GRHL2: variants seen among roughly 807,000 people sequenced by gnomAD.
GRHL2 encodes the protein grainyhead-like protein 2 homolog.
A neutral mutation model predicts 83.8 loss-of-function variants in GRHL2; 21 were observed. That is an observed-to-expected ratio of 0.25 (90% confidence interval 0.18 to 0.36). GRHL2 has a LOEUF of 0.36. GRHL2 is among the 10% of genes least tolerant of loss of function. The probability of loss-of-function intolerance (pLI) is 1.00; values close to 1 mark genes in which losing one functional copy is unlikely to be tolerated. For synonymous variants in GRHL2, 280 were observed against 278.9 expected, an observed-to-expected ratio of 1.00 and a Z score of -0.04; for missense variants, 623 against 781.8, an observed-to-expected ratio of 0.80 and a Z score of 2.42.
At chr8:101,548,979 T>G (rs1471327566) in intron 2 of GRHL2, among the ~76,000 whole-genome samples, 1 of 152,218 alleles carries the variant, frequency 6.6e-6, no homozygotes, top group Non-Finnish European at 1.5e-5. Flanking sequence ...ATCAATTGAT[T>G]CTTTCAATAA....
intron 11 of GRHL2, among the ~76,000 whole-genome samples, 197 bp downstream of exon 11, chr8:101,632,562 G>A (rs1813207640): frequency 6.6e-6 from 1 of 152,228 alleles, no homozygotes; most frequent in African/African-American, 2.4e-5. Flanking sequence ...AAGTCGAAGA[G>A]GAGAGTAAGC....
chr8:101,546,980 C>T (rs908301421), intron 2 of GRHL2, among the ~76,000 whole-genome samples: 6 of 152,208 alleles, frequency 3.9e-5, no homozygotes, highest in African/African-American at 1.4e-4. Context: ...GTGTGGACTA[C>T]TAGAGTTACA....
rs114422462 is a variant in GRHL2, at chr8:101,601,948, G to A, written c.1098+2797G>A. On this transcript the variant is annotated intron_variant, in intron 8 of 15. Transcript: ENST00000646743. ...AGAAGTAAAAGCCTTGCATGCATTA[G>A]GTATTTGTCCTAAGGCTCTCCCTCC... is the stretch of plus-strand genomic sequence containing the variant. Among the ~76,000 whole-genome samples the A allele has an allele frequency of 7.7e-3, 1,167 of 152,278 alleles. 15 individuals are homozygous for A. The highest frequency in any genetic ancestry group is 0.057 in the East Asian group (295 of 5,178).
chr8:101,608,644 A>G (rs553001920), intron 8 of GRHL2, among the ~76,000 whole-genome samples: 37 of 152,202 alleles, frequency 2.4e-4, no homozygotes, highest in African/African-American at 7.7e-4. Context: ...TGAAAAGTTG[A>G]AAGACTAATA....
chr8:101,663,015 TTAAG>T (rs1333398328), intron 14 of GRHL2, among the ~76,000 whole-genome samples: 1 of 152,210 alleles, frequency 6.6e-6, no homozygotes, highest in Admixed American at 6.5e-5. Context: ...TGCATGATTT[TTAAG>T]TGTGAATTAT....
intron 7 of GRHL2, among the ~76,000 whole-genome samples, chr8:101,582,129 C>G (rs1047098963): frequency 7.9e-5 from 12 of 151,032 alleles, no homozygotes; most frequent in African/African-American, 2.9e-4. Context: ...TTCCAGCTAC[C>G]TGGGAGACTG....
chr8:101,504,079 A>G (rs943203723), intron 1 of GRHL2, among the ~76,000 whole-genome samples: 2 of 152,234 alleles, frequency 1.3e-5, no homozygotes, highest in Admixed American at 6.5e-5. Flanking sequence ...ACACTTAAGA[A>G]TAATACACAC....
chr8:101,505,365 G>A (rs534015103), intron 1 of GRHL2, among the ~76,000 whole-genome samples: 1 of 152,182 alleles, frequency 6.6e-6, no homozygotes, highest in East Asian at 1.9e-4. Flanking sequence ...ATCACCTTAG[G>A]TCGGGAGTTT....
chr8:101,595,120 C>A (rs930147526), intron 7 of GRHL2, among the ~76,000 whole-genome samples: 9 of 152,150 alleles, frequency 5.9e-5, no homozygotes, highest in African/African-American at 2.2e-4. Flanking sequence ...GTTTCTTGCT[C>A]TTTCTCAAGC....
intron 11 of GRHL2, among the ~76,000 whole-genome samples, chr8:101,635,651 C>T (rs750151360): frequency 3.9e-5 from 6 of 152,196 alleles, no homozygotes; most frequent in Non-Finnish European, 8.8e-5. Context: ...CAGTCCTATT[C>T]CTAGTACATC....
chr8:101,517,231 G>C (rs1048564006), intron 1 of GRHL2, among the ~76,000 whole-genome samples: 6 of 152,156 alleles, frequency 3.9e-5, no homozygotes, highest in African/African-American at 7.2e-5. Context: ...TTCATCCGGG[G>C]CTTTCAGCAG....
intron 2 of GRHL2, among the ~76,000 whole-genome samples, chr8:101,549,759 C>A (rs929119673): frequency 2.6e-5 from 4 of 152,284 alleles, no homozygotes; most frequent in Non-Finnish European, 4.4e-5. Context: ...TGCCCTCTAA[C>A]CTTTTTATAA....
At chr8:101,672,343 G>T (rs1244047733), downstream of GRHL2, among the ~76,000 whole-genome samples, 1 of 151,678 alleles carries the variant, frequency 6.6e-6, no homozygotes. Flanking sequence ...AATAACCAAT[G>T]CAGAGAAGTC....
intron 8 of GRHL2, among the ~76,000 whole-genome samples, chr8:101,615,216 C>G (rs1158508690): frequency 6.6e-6 from 1 of 152,188 alleles, no homozygotes; most frequent in African/African-American, 2.4e-5. Flanking sequence ...TGTATTATAG[C>G]ATATTGCCAG....
At chr8:101,600,628 C>T (rs1307337998) in intron 8 of GRHL2, among the ~76,000 whole-genome samples, 1 of 152,234 alleles carries the variant, frequency 6.6e-6, no homozygotes, top group African/African-American at 2.4e-5. Flanking sequence ...CTGAGTCATC[C>T]TGAGCAAGTT....
At chr8:101,543,553 A>G in intron 2 of GRHL2, 117 bp downstream of exon 2, 1 of 941,452 alleles carries the variant, frequency 1.1e-6, no homozygotes, top group Non-Finnish European at 1.7e-6. Flanking sequence ...TTCCAAAGTC[A>G]ATATAGAATT....
intron 2 of GRHL2, among the ~76,000 whole-genome samples, chr8:101,552,506 CAT>C (rs1263329194): frequency 6.6e-6 from 1 of 152,166 alleles, no homozygotes; most frequent in African/African-American, 2.4e-5. Flanking sequence ...CTGTTGTGGC[CAT>C]ATGTTTATCA....
At position 101,506,369 on chromosome 8, in the gene GRHL2, C is replaced by T. The variant is rs1309134089; in HGVS notation, c.20+13580C>T. Among the ~76,000 whole-genome samples, 3 of 152,146 alleles carry T rather than the reference C, an allele frequency of 2.0e-5. No individual in the cohort carries two copies. The South Asian group carries it at 6.2e-4, about 32-fold the overall frequency. ...TCATAATTCCAGCACCCTGTTAATA[C>T]TTTGTCTTTTCTTACAGTTTCTAAT... On this transcript the variant is annotated intron_variant, in intron 1 of 15. Transcript: ENST00000646743.
At chr8:101,554,432 C>T (rs1386372840) in intron 3 of GRHL2, among the ~76,000 whole-genome samples, 1 of 152,212 alleles carries the variant, frequency 6.6e-6, no homozygotes, top group Non-Finnish European at 1.5e-5. Flanking sequence ...TTTCACATCA[C>T]AGACAAGTGA....
Sources: gnomAD v4.1 joint callset for allele counts (sites outside exome capture counted in the v4.1 genomes callset) on GRCh38, gnomAD v4.1.1 for gene constraint, MANE v1.5 for transcripts, NCBI Gene and HGNC (gene_info 2026-07-23, HGNC 2026-07-21) for gene names.